PCDH9: variants seen among roughly 807,000 people sequenced by gnomAD.
PCDH9 encodes protocadherin-9.
Under a neutral mutation model 70.6 loss-of-function variants are expected in PCDH9, and 24 were observed. The ratio of observed to expected loss-of-function variants is 0.34; its 90% CI spans 0.25 to 0.48. The LOEUF is 0.48. PCDH9 is among the 20% of genes least tolerant of loss of function. The pLI is 0.99. For missense variants in PCDH9, 1,281 were observed against 1,503.6 expected (o/e 0.85, Z 2.45); for synonymous variants, 562 against 558.5 (o/e 1.01, Z -0.09).
At chr13:67,020,717 C>G (rs1280652651) in intron 2 of PCDH9, among the ~76,000 whole-genome samples, 4 of 152,184 alleles carry the variant, frequency 2.6e-5, no homozygotes, top group African/African-American at 9.7e-5. Context: ...ATAAGTCAAT[C>G]TAGCCAGTTA....
At chr13:67,113,031 T>C (rs1442626848) in intron 2 of PCDH9, among the ~76,000 whole-genome samples, 1 of 152,200 alleles carries the variant, frequency 6.6e-6, no homozygotes, top group Non-Finnish European at 1.5e-5. Flanking sequence ...GGGCCTCCTT[T>C]TCCCTGTAAC....
At chr13:67,159,234 G>T (rs970994014) in intron 2 of PCDH9, among the ~76,000 whole-genome samples, 1 of 152,194 alleles carries the variant, frequency 6.6e-6, no homozygotes, top group Non-Finnish European at 1.5e-5. Context: ...GACCGGGATT[G>T]GTGGGTTCCT....
chr13:67,186,845 A>C (rs78792109), intron 2 of PCDH9, among the ~76,000 whole-genome samples: 1 of 152,158 alleles, frequency 6.6e-6, no homozygotes, highest in Non-Finnish European at 1.5e-5. Context: ...TCAGACATGG[A>C]AAATTCATGG....
At chr13:66,492,733 A>G (rs1191743754) in intron 4 of PCDH9, among the ~76,000 whole-genome samples, 1 of 152,086 alleles carries the variant, frequency 6.6e-6, no homozygotes, top group Non-Finnish European at 1.5e-5. Flanking sequence ...CATGACTAAG[A>G]TGCAACCTTT....
intron 2 of PCDH9, among the ~76,000 whole-genome samples, chr13:66,997,294 A>G (rs1211825981): frequency 1.3e-5 from 2 of 152,152 alleles, no homozygotes; most frequent in Admixed American, 6.5e-5. Context: ...TACAATTATA[A>G]CAGAAGGTGA....
intron 3 of PCDH9, among the ~76,000 whole-genome samples, chr13:66,802,182 T>C (rs2080337493): frequency 6.6e-6 from 1 of 151,934 alleles, no homozygotes; most frequent in South Asian, 2.1e-4. Flanking sequence ...AAAATAATTC[T>C]AGTTAGTATT....
intron 2 of PCDH9, among the ~76,000 whole-genome samples, chr13:66,938,750 A>T (rs1031154852): frequency 6.6e-6 from 1 of 152,156 alleles, no homozygotes; most frequent in Admixed American, 6.6e-5. Flanking sequence ...CCAGAGAATT[A>T]TTTTTGTTAA....
chr13:66,571,306 C>A (rs2076729898), intron 4 of PCDH9, among the ~76,000 whole-genome samples: 1 of 151,888 alleles, frequency 6.6e-6, no homozygotes, highest in Non-Finnish European at 1.5e-5. Flanking sequence ...TATCATAATT[C>A]ATCTGGAAGC....
At chr13:66,321,930 C>G (rs777393070) in intron 4 of PCDH9, among the ~76,000 whole-genome samples, 2 of 151,744 alleles carry the variant, frequency 1.3e-5, no homozygotes, top group Non-Finnish European at 2.9e-5. Context: ...TGCCAATGGA[C>G]TAGAATATTC....
At chr13:66,684,078 C>T (rs1261654596) in intron 3 of PCDH9, among the ~76,000 whole-genome samples, 2 of 152,134 alleles carry the variant, frequency 1.3e-5, no homozygotes, top group African/African-American at 4.8e-5. Context: ...CAATGCCTCA[C>T]ACATAGTTTG....
intron 4 of PCDH9, among the ~76,000 whole-genome samples, chr13:66,450,753 C>G (rs878965997): frequency 2.0e-5 from 3 of 152,164 alleles, no homozygotes; most frequent in Non-Finnish European, 4.4e-5. Flanking sequence ...CGGTGGCTCA[C>G]GCCTGTAATC....
intron 2 of PCDH9, among the ~76,000 whole-genome samples, chr13:66,998,780 T>C (rs994221150): frequency 6.6e-6 from 1 of 152,186 alleles, no homozygotes; most frequent in Non-Finnish European, 1.5e-5. Flanking sequence ...ACTCAGACTG[T>C]TGTAATTAAA....
chr13:67,043,835 C>G (rs2085170393), intron 2 of PCDH9, among the ~76,000 whole-genome samples: 1 of 152,052 alleles, frequency 6.6e-6, no homozygotes, highest in South Asian at 2.1e-4. Flanking sequence ...TATACATAGC[C>G]TTGTTTATGC....
At chr13:66,662,847 A>G (rs1369320411) in intron 3 of PCDH9, among the ~76,000 whole-genome samples, 1 of 152,240 alleles carries the variant, frequency 6.6e-6, no homozygotes, top group African/African-American at 2.4e-5. Context: ...AAGTAAAACT[A>G]TAAGAAAGTG....
intron 4 of PCDH9, among the ~76,000 whole-genome samples, chr13:66,567,203 G>A (rs1390485194): frequency 3.3e-5 from 5 of 152,086 alleles, no homozygotes; most frequent in Non-Finnish European, 5.9e-5. Flanking sequence ...TCCATACTGG[G>A]TGCTGCATGG....
chr13:67,130,572 T>C (rs1366122812), intron 2 of PCDH9, among the ~76,000 whole-genome samples: 2 of 152,022 alleles, frequency 1.3e-5, no homozygotes, highest in Non-Finnish European at 2.9e-5. Flanking sequence ...GACCACAGGG[T>C]GGACAAAGGC....
chr13:66,903,261 C>T (rs1240673717), intron 3 of PCDH9, among the ~76,000 whole-genome samples: 2 of 151,232 alleles, frequency 1.3e-5, no homozygotes, highest in Non-Finnish European at 3.0e-5. Flanking sequence ...CTTTTCATTC[C>T]ATGTTACTAA....
intron 4 of PCDH9, among the ~76,000 whole-genome samples, chr13:66,389,955 A>T (rs1228012419): frequency 6.6e-6 from 1 of 152,106 alleles, no homozygotes; most frequent in East Asian, 1.9e-4. Context: ...CCACATAGAC[A>T]CACACACACA....
At chr13:66,443,544 A>G (rs1185654321) in intron 4 of PCDH9, among the ~76,000 whole-genome samples, 1 of 152,198 alleles carries the variant, frequency 6.6e-6, no homozygotes, top group Non-Finnish European at 1.5e-5. Context: ...CATTCTAATA[A>G]AACTAACAGT....
Sources: gnomAD v4.1 joint callset for allele counts (sites outside exome capture counted in the v4.1 genomes callset) on GRCh38, gnomAD v4.1.1 for gene constraint, MANE v1.5 for transcripts, NCBI Gene and HGNC (gene_info 2026-07-23, HGNC 2026-07-21) for gene names.